The following NAALADL2 variants were observed in gnomAD, a reference collection of about 807,000 sequenced individuals.
NAALADL2 encodes the protein inactive N-acetylated-alpha-linked acidic dipeptidase-like protein 2.
NAALADL2 carries 76 observed loss-of-function variants against 87.2 expected under a neutral mutation model. That is an observed-to-expected ratio of 0.87 (90% CI 0.72 to 1.05). The LOEUF is 1.05. Ranked by LOEUF, NAALADL2 falls within the 50% of genes least tolerant of loss-of-function variation. The pLI, the probability that NAALADL2 is intolerant of heterozygous loss-of-function variation, is 0.00. For missense variants in NAALADL2, 1,089 were observed against 945.8 expected (o/e 1.15, Z -1.99); for synonymous variants, 354 against 331.0 (o/e 1.07, Z -0.75).
In NAALADL2 at chr3:175,033,433, C is replaced by A. The variant is rs73034432; in HGVS notation, c.44-63357C>A. ...TTTTTTGCTCATCAACTGTCACTCA[C>A]CTGGAAAGGCACTCCTTCTCAGCAT... On this transcript the variant is annotated intron_variant, in intron 1 of 13. Transcript: ENST00000454872. 2.8e-3 allele frequency among the ~76,000 whole-genome samples: 427 copies of A among 152,152 alleles called. 3 individuals are homozygous for A. The highest frequency in any genetic ancestry group is 9.9e-3 in the African/African-American group (412 of 41,538).
chr3:175,314,372 C>T (rs1024163879), intron 4 of NAALADL2, among the ~76,000 whole-genome samples: 2 of 151,028 alleles, frequency 1.3e-5, no homozygotes, highest in South Asian at 2.1e-4. Context: ...ATTCAAACTT[C>T]GTTGGGCTAG....
intron 2 of NAALADL2, among the ~76,000 whole-genome samples, chr3:175,105,463 T>A (rs58753271): frequency 0.44 from 66,558 of 150,660 alleles, 14,776 homozygotes; most frequent in East Asian, 0.52. Flanking sequence ...TATATATGAT[T>A]CACATATATA....
intron 2 of NAALADL2, among the ~76,000 whole-genome samples, chr3:174,643,705 G>A (rs915577147): frequency 2.0e-5 from 3 of 152,146 alleles, no homozygotes; most frequent in African/African-American, 7.2e-5. Flanking sequence ...ATTGCTTTTG[G>A]AAATACCATT....
chr3:175,402,596 A>G (rs142483406), intron 5 of NAALADL2, among the ~76,000 whole-genome samples: 173 of 152,150 alleles, frequency 1.1e-3, no homozygotes, highest in African/African-American at 3.9e-3. Flanking sequence ...TTTTCCAGCT[A>G]TACTATACTA....
At chr3:175,749,141 G>T (rs74539138) in intron 12 of NAALADL2, among the ~76,000 whole-genome samples, 14,516 of 120,078 alleles carry the variant, frequency 0.12, 956 homozygotes, top group African/African-American at 0.14. Context: ...AGAAGGGAGC[G>T]GAGGGGAAGG....
intron 1 of NAALADL2, among the ~76,000 whole-genome samples, chr3:174,882,661 GCATATACACA>G: frequency 6.9e-6 from 1 of 144,324 alleles, no homozygotes; most frequent in East Asian, 2.0e-4. Context: ...ACACATATGT[GCATATACACA>G]TATGTGTATA....
intron 2 of NAALADL2, among the ~76,000 whole-genome samples, chr3:175,199,976 G>A (rs908287884): frequency 1.4e-4 from 21 of 145,296 alleles, no homozygotes; most frequent in Non-Finnish European, 2.6e-4. Flanking sequence ...AAATGCATAG[G>A]CTTAGAAATA....
chr3:174,762,018 G>A (rs113619480), intron 3 of NAALADL2, among the ~76,000 whole-genome samples: 3,847 of 151,930 alleles, frequency 0.025, 72 homozygotes, highest in Non-Finnish European at 0.039. Flanking sequence ...ACATCTCTGG[G>A]CTGGTATGTT....
intron 4 of NAALADL2, among the ~76,000 whole-genome samples, chr3:175,322,480 T>G (rs1482175592): frequency 8.2e-5 from 8 of 97,648 alleles, no homozygotes; most frequent in Admixed American, 3.1e-4. Flanking sequence ...AAGACAAAAT[T>G]GACAAATGGG....
intron 11 of NAALADL2, among the ~76,000 whole-genome samples, chr3:175,686,935 A>G (rs1736378484): frequency 6.6e-6 from 1 of 152,156 alleles, no homozygotes; most frequent in Non-Finnish European, 1.5e-5. Flanking sequence ...CATCTTATTT[A>G]ATATCACTCT....
chr3:175,321,702 CAGAG>C (rs1207237348), intron 4 of NAALADL2, among the ~76,000 whole-genome samples: 3 of 127,370 alleles, frequency 2.4e-5, no homozygotes, highest in Non-Finnish European at 4.8e-5. Flanking sequence ...AACAGACAAA[CAGAG>C]AGCCAAATCA....
At chr3:175,637,128 A>G (rs1303774074) in intron 11 of NAALADL2, among the ~76,000 whole-genome samples, 3 of 152,254 alleles carry the variant, frequency 2.0e-5, no homozygotes, top group Non-Finnish European at 1.5e-5. Context: ...AAATAAGCAT[A>G]CAGATATTGT....
chr3:175,619,489 CTT>C (rs1725901917), intron 10 of NAALADL2, among the ~76,000 whole-genome samples: 3 of 140,384 alleles, frequency 2.1e-5, no homozygotes, highest in African/African-American at 7.8e-5. Context: ...AAAAAAACAA[CTT>C]AAATGCAGAG....
At chr3:174,539,524 A>C (rs4336135) in intron 1 of NAALADL2, among the ~76,000 whole-genome samples, 2 of 151,862 alleles carry the variant, frequency 1.3e-5, no homozygotes, top group African/African-American at 4.8e-5. Flanking sequence ...CATTCTAGAG[A>C]CTTACTTATG....
intron 13 of NAALADL2, among the ~76,000 whole-genome samples, chr3:175,779,173 T>TA (rs1353458399): frequency 6.6e-6 from 1 of 152,202 alleles, no homozygotes; most frequent in East Asian, 1.9e-4. Flanking sequence ...TCCCTAGTGA[T>TA]AAGCATGTCT....
intron 3 of NAALADL2, among the ~76,000 whole-genome samples, chr3:174,786,705 A>G (rs1051973820): frequency 2.0e-5 from 3 of 152,210 alleles, no homozygotes; most frequent in Non-Finnish European, 2.9e-5. Context: ...GTGAAACCAA[A>G]TTGTAATGTT....
intron 1 of NAALADL2, among the ~76,000 whole-genome samples, chr3:174,941,735 C>A (rs1166467146): frequency 6.6e-6 from 1 of 150,808 alleles, no homozygotes; most frequent in African/African-American, 2.4e-5. Context: ...GAATTGGACT[C>A]TTTACTATTA....
chr3:175,618,841 G>A (rs1309500708), intron 10 of NAALADL2, among the ~76,000 whole-genome samples: 4 of 152,092 alleles, frequency 2.6e-5, no homozygotes, highest in African/African-American at 7.2e-5. Context: ...CTGGCTTTCC[G>A]CTGTTGGTAA....
At chr3:175,437,262 C>G (rs1255800232) in intron 5 of NAALADL2, among the ~76,000 whole-genome samples, 1 of 147,134 alleles carries the variant, frequency 6.8e-6, no homozygotes, top group African/African-American at 2.5e-5. Flanking sequence ...TCTCAGGATA[C>G]AAAATCAATG....
Sources: allele counts gnomAD v4.1 joint callset (sites outside exome capture counted in the v4.1 genomes callset), GRCh38; gene constraint gnomAD v4.1.1; transcripts MANE v1.5; gene names NCBI Gene and HGNC (gene_info 2026-07-23, HGNC 2026-07-21).